The following ZFAND3 variants were observed in gnomAD, a reference collection of about 807,000 sequenced individuals.
ZFAND3 encodes AN1-type zinc finger protein 3.
Under a neutral mutation model 29.6 loss-of-function variants are expected in ZFAND3, and 10 were observed. The ratio of observed to expected loss-of-function variants is 0.34; its 90% CI spans 0.21 to 0.57. The LOEUF is 0.57. ZFAND3 is among the 20% of genes least tolerant of loss of function. ZFAND3 has a pLI of 0.86. For missense variants in ZFAND3, 230 were observed against 304.5 expected, an observed-to-expected ratio of 0.76 and a Z score of 1.82; for synonymous variants, 128 against 112.6, an observed-to-expected ratio of 1.14 and a Z score of -0.87.
intron 2 of ZFAND3, among the ~76,000 whole-genome samples, chr6:38,022,839 G>A (rs1359761121): frequency 1.3e-5 from 2 of 152,136 alleles, no homozygotes; most frequent in African/African-American, 2.4e-5. Flanking sequence ...ATCCTGCAGG[G>A]CACAGCACAA....
intron 5 of ZFAND3, among the ~76,000 whole-genome samples, chr6:38,149,109 G>T (rs1383307203): frequency 6.6e-6 from 1 of 151,984 alleles, no homozygotes; most frequent in East Asian, 1.9e-4. Flanking sequence ...TCCTGCCTTG[G>T]CCTCTCAAAG....
chr6:38,006,485 T>C (rs1026321811), intron 2 of ZFAND3, among the ~76,000 whole-genome samples: 7 of 152,158 alleles, frequency 4.6e-5, no homozygotes, highest in African/African-American at 1.7e-4. Flanking sequence ...CTTTTTGTCC[T>C]CATTCAGTAT....
At chr6:37,997,095 T>C (rs1762863733) in intron 2 of ZFAND3, among the ~76,000 whole-genome samples, 1 of 152,206 alleles carries the variant, frequency 6.6e-6, no homozygotes, top group African/African-American at 2.4e-5. Context: ...GAAGTAAATT[T>C]GCAGAATAAA....
At chr6:38,082,210 A>C (rs1490058044) in intron 3 of ZFAND3, among the ~76,000 whole-genome samples, 182 bp from the exon 4 acceptor site, 1 of 151,558 alleles carries the variant, frequency 6.6e-6, no homozygotes, top group Non-Finnish European at 1.5e-5. Flanking sequence ...TGTAGACTAA[A>C]TTGCTGAACT....
chr6:37,896,965 T>C (rs551065462), intron 1 of ZFAND3, among the ~76,000 whole-genome samples: 3 of 152,236 alleles, frequency 2.0e-5, no homozygotes, highest in South Asian at 4.1e-4. Context: ...AAGTTTTTTT[T>C]CCCTAGAAGT....
intron 2 of ZFAND3, among the ~76,000 whole-genome samples, chr6:38,029,588 A>G (rs1484627390): frequency 6.6e-6 from 1 of 152,222 alleles, no homozygotes; most frequent in Non-Finnish European, 1.5e-5. Context: ...GCCAAAACAT[A>G]TAAAGAATAC....
intron 1 of ZFAND3, among the ~76,000 whole-genome samples, chr6:37,842,106 T>A (rs948939103): frequency 1.3e-5 from 2 of 152,166 alleles, no homozygotes; most frequent in African/African-American, 4.8e-5. Context: ...ATGAGGGCGA[T>A]GCCTTAATAA....
At chr6:37,997,206 A>T (rs1762865781) in intron 2 of ZFAND3, among the ~76,000 whole-genome samples, 1 of 152,176 alleles carries the variant, frequency 6.6e-6, no homozygotes, top group Non-Finnish European at 1.5e-5. Context: ...TCTTATTTCC[A>T]TTGGGGAAAG....
chr6:37,920,533 A>C (rs1255612826), intron 1 of ZFAND3, among the ~76,000 whole-genome samples: 3 of 152,172 alleles, frequency 2.0e-5, no homozygotes, highest in African/African-American at 7.2e-5. Flanking sequence ...GAAACACACA[A>C]AAATCGAGGC....
chr6:37,911,444 G>A (rs1765519425), intron 1 of ZFAND3, among the ~76,000 whole-genome samples: 1 of 152,176 alleles, frequency 6.6e-6, no homozygotes, highest in South Asian at 2.1e-4. Context: ...TGTTAAAGAA[G>A]TATGGTCATC....
intron 2 of ZFAND3, among the ~76,000 whole-genome samples, chr6:37,946,325 A>AT (rs1285267030): frequency 6.6e-6 from 1 of 152,168 alleles, no homozygotes; most frequent in Non-Finnish European, 1.5e-5. Flanking sequence ...AACATCTGAC[A>AT]TTATTAGCGC....
intron 3 of ZFAND3, among the ~76,000 whole-genome samples, chr6:38,080,629 A>G (rs11752354): frequency 0.066 from 10,026 of 152,208 alleles, 409 homozygotes; most frequent in Non-Finnish European, 0.095. Context: ...CTCAGCAAGT[A>G]GGGAGTAGTT....
intron 2 of ZFAND3, among the ~76,000 whole-genome samples, chr6:38,032,306 G>A (rs952063140): frequency 1.3e-5 from 2 of 152,092 alleles, no homozygotes; most frequent in African/African-American, 4.8e-5. Flanking sequence ...AGGCTAAAAG[G>A]ACGTATTATA....
intron 2 of ZFAND3, among the ~76,000 whole-genome samples, chr6:37,965,402 G>A (rs1762275481): frequency 6.6e-6 from 1 of 152,134 alleles, no homozygotes; most frequent in African/African-American, 2.4e-5. Flanking sequence ...GCGCACACAT[G>A]TAATTGGGGA....
intron 2 of ZFAND3, among the ~76,000 whole-genome samples, chr6:38,041,669 T>TCTCCTTCTCCTTCTC (rs1353509668): frequency 4.4e-5 from 1 of 22,966 alleles, no homozygotes; most frequent in Admixed American, 5.8e-4. Context: ...TTCTTCTTCT[T>TCTCCTTCTCCTTCTC]CTTCTTCTTC....
Position 38,152,881 on chromosome 6 carries a change from C to T in ZFAND3, c.*492C>T, listed in dbSNP as rs1211921310. 4 of 985,946 alleles carry T rather than the reference C, an allele frequency of 4.1e-6. 1 individual carries two copies. 61.1% of individuals were successfully genotyped at this position (985,946 alleles called of 1,614,324 possible). A position where few individuals can be genotyped will look rare whatever the true frequency, so the allele number is the denominator to read the frequency against. ...TACCTGATGGCCACGTGTGCCTTGG[C>T]CACGGGAGGCTGCTGAGATTGGCCA... is the stretch of plus-strand genomic sequence containing the variant. On this transcript the variant is annotated 3_prime_UTR_variant, in exon 6 of 6. Coordinates refer to ENST00000287218, the MANE Select transcript of ZFAND3 (RefSeq NM_021943.3).
At chr6:38,106,153 T>A (rs1282337572) in intron 4 of ZFAND3, among the ~76,000 whole-genome samples, 1 of 147,654 alleles carries the variant, frequency 6.8e-6, no homozygotes, top group Non-Finnish European at 1.5e-5. Context: ...CAAATGACAT[T>A]CTTTTTTTTT....
intron 1 of ZFAND3, among the ~76,000 whole-genome samples, chr6:37,890,432 T>C (rs1765074832): frequency 6.6e-6 from 1 of 152,204 alleles, no homozygotes; most frequent in Admixed American, 6.5e-5. Flanking sequence ...TCAGCTCTCT[T>C]GTTCTGACAC....
chr6:37,919,506 A>G (rs1355846924), intron 1 of ZFAND3, among the ~76,000 whole-genome samples: 1 of 152,160 alleles, frequency 6.6e-6, no homozygotes, highest in Non-Finnish European at 1.5e-5. Flanking sequence ...TTCAGAGAAT[A>G]TCACATTCAT....
Sources: gnomAD v4.1 joint callset for allele counts (sites outside exome capture counted in the v4.1 genomes callset) on GRCh38, gnomAD v4.1.1 for gene constraint, MANE v1.5 for transcripts, NCBI Gene and HGNC (gene_info 2026-07-23, HGNC 2026-07-21) for gene names.